The following TMC3 variants were observed in gnomAD, a reference collection of about 807,000 sequenced individuals.
TMC3 encodes transmembrane channel-like protein 3.
Under a neutral mutation model 110.6 loss-of-function variants are expected in TMC3, and 98 were observed. That is an observed-to-expected ratio of 0.89 (90% confidence interval 0.75 to 1.05). The LOEUF is 1.05. Ranked by LOEUF, TMC3 falls within the 50% of genes least tolerant of loss-of-function variation. The pLI, the probability that TMC3 is intolerant of heterozygous loss-of-function variation, is 0.00. For synonymous variants in TMC3, 489 were observed against 513.1 expected, an observed-to-expected ratio of 0.95 and a Z score of 0.63; for missense variants, 1,319 against 1,373.2, an observed-to-expected ratio of 0.96 and a Z score of 0.62.
intron 21 of TMC3, 62 bp from the exon 22 acceptor site, chr15:81,333,324 G>A (rs1893517566): frequency 6.5e-7 from 1 of 1,542,992 alleles, no homozygotes; most frequent in Admixed American, 2.0e-5. Flanking sequence ...CACACCTGAG[G>A]ACTGTGAGCT....
Position 81,343,938 on chromosome 15 carries a change from A to T in TMC3, c.1626T>A (p.Cys542Ter). Residue 542 changes from cysteine (C) to a stop codon, truncating the protein, a stop_gained, in exon 14 of 22, where the codon TGT becomes TGA. Transcript: ENST00000359440. LOFTEE classifies it high-confidence loss of function. ...LFVRYLSDYW[C>*]WDLESKFPEY... ...TTACAAACTTGCTCTCCAGATCCCA[A>T]CACCAGTAGTCACTTAAGTACCGCA... 1 of 1,612,710 alleles carries T rather than the reference A, an allele frequency of 6.2e-7. No homozygotes were observed. The highest frequency in any genetic ancestry group is 8.5e-7 in the Non-Finnish European group (1 of 1,179,118).
rs546215969 is a variant in TMC3 at position 81,358,070 on chromosome 15, T to C, written c.743+79A>G. On this transcript the variant is annotated intron_variant, in intron 7 of 21. Transcript: ENST00000359440. ...AAGCAGTCATACTTTTTTAAAAGAATGATGAAGCTGTAAGAAAATACTTCC... is the reference window on the plus strand; with the variant it reads ...AAGCAGTCATACTTTTTTAAAAGAACGATGAAGCTGTAAGAAAATACTTCC... 7.0e-6 allele frequency: 10 copies of C among 1,429,340 alleles called. No individual in the cohort carries two copies. The South Asian group carries it at 1.0e-4, about 15-fold the overall frequency. 88.5% of individuals were successfully genotyped at this position (1,429,340 alleles called of 1,614,324 possible).
chr15:81,339,754 C>G (rs909132746), intron 16 of TMC3, among the ~76,000 whole-genome samples: 1 of 152,194 alleles, frequency 6.6e-6, no homozygotes, highest in Non-Finnish European at 1.5e-5. Context: ...TTGCTGAGCA[C>G]CTGTTCACCT....
At chr15:81,333,883 G>C (rs533984488) in intron 21 of TMC3, among the ~76,000 whole-genome samples, 6 of 152,016 alleles carry the variant, frequency 3.9e-5, no homozygotes, top group African/African-American at 1.5e-4. Context: ...CCAGCTACTC[G>C]GGAGGCTGAG....
chr15:81,364,546 G>C (rs370455411), intron 3 of TMC3, among the ~76,000 whole-genome samples: 1 of 128,676 alleles, frequency 7.8e-6, no homozygotes, highest in African/African-American at 2.9e-5. Context: ...GTCGGGGGAG[G>C]GGGGAGGGAT....
intron 19 of TMC3, chr15:81,337,596 A>G: frequency 3.5e-6 from 2 of 570,214 alleles, no homozygotes; most frequent in South Asian, 4.0e-5. Context: ...GAAAGGCTCG[A>G]GGCAGCTGCA....
chr15:81,334,496 T>G (rs1370033640), intron 21 of TMC3, among the ~76,000 whole-genome samples: 1 of 152,236 alleles, frequency 6.6e-6, no homozygotes, highest in Non-Finnish European at 1.5e-5. Flanking sequence ...GAAGGTTTGC[T>G]TACAAGTTAA....
chr15:81,343,965 G>A lies in TMC3; in HGVS notation c.1599C>T (p.Phe533=), dbSNP rs756547076. ...ILLIDFFRGL[F]VRYLSDYWCW... ...ACCAGTAGTCACTTAAGTACCGCAC[G>A]AAAAGTCCTCGGAAGAAGTCTATGA... The change falls in exon 14 of 22, where the codon TTC becomes TTT. Residue 533 remains phenylalanine, a synonymous_variant. Transcript: ENST00000359440. 17 of 1,613,096 alleles carry A rather than the reference G, an allele frequency of 1.1e-5. No homozygotes were observed. Among genetic ancestry groups the A allele is most frequent in the East Asian group, 8.9e-5 (4 of 44,858 alleles).
Position 81,337,799 on chromosome 15 carries a change from A to C in TMC3, c.2160+47T>G, listed in dbSNP as rs565430245. ...TTCCCACGCTGGCGGGATCTCAGTC[A>C]TGTGGTTGACACATATTCATAATAG... is the stretch of plus-strand genomic sequence containing the variant. On this transcript the variant is annotated intron_variant, in intron 19 of 21. Coordinates refer to ENST00000359440, the MANE Select transcript of TMC3 (RefSeq NM_001080532.3). 33 of 1,494,594 alleles carry C rather than the reference A, an allele frequency of 2.2e-5. No homozygotes were observed. The African/African-American group carries it at 4.1e-4, about 19-fold the overall frequency. The allele number at this position is 1,494,594 out of a possible 1,614,324, so 92.6% of individuals were successfully genotyped here.
intron 3 of TMC3, among the ~76,000 whole-genome samples, chr15:81,364,538 C>T (rs1175640093): frequency 3.0e-5 from 2 of 67,680 alleles, no homozygotes; most frequent in Non-Finnish European, 5.5e-5. Context: ...GTGGTGGGGT[C>T]GGGGGAGGGG....
intron 9 of TMC3, among the ~76,000 whole-genome samples, chr15:81,354,569 C>T (rs1439197402): frequency 1.3e-5 from 2 of 152,154 alleles, no homozygotes; most frequent in African/African-American, 4.8e-5. Flanking sequence ...TCAGAAGATC[C>T]CTGGGGCACC....
chr15:81,335,397 T>TA (rs1404484475), intron 20 of TMC3, among the ~76,000 whole-genome samples: 1 of 152,248 alleles, frequency 6.6e-6, no homozygotes, highest in Non-Finnish European at 1.5e-5. Context: ...ATGCTATTGT[T>TA]ATCCTGAAAC....
rs1031551484 is a variant in TMC3 at position 81,374,001 on chromosome 15, G to C, written c.77C>G (p.Ser26Cys). 23 of 1,613,596 alleles carry C rather than the reference G, an allele frequency of 1.4e-5. No homozygotes were observed. Among genetic ancestry groups the C allele is most frequent in the Non-Finnish European group, 1.8e-5 (21 of 1,179,830 alleles). ...GGGGCCAGCTCACCTGAGCAGCAGAGATTCCTGGTAGAGGTAGCACTGGCT... is the reference window on the plus strand; with the variant it reads ...GGGGCCAGCTCACCTGAGCAGCAGACATTCCTGGTAGAGGTAGCACTGGCT... ...NASQCYLYQE[S>C]LLLSNLDDSF... Residue 26 changes from serine to cysteine, a missense_variant, in exon 1 of 22, where the codon TCT (serine) becomes TGT (cysteine). By Grantham distance (112) the Ser-to-Cys change is moderately radical (BLOSUM62 -1). Coordinates refer to ENST00000359440, the MANE Select transcript of TMC3 (RefSeq NM_001080532.3).
intron 12 of TMC3, among the ~76,000 whole-genome samples, chr15:81,345,912 C>T (rs1355179248): frequency 6.6e-6 from 1 of 152,052 alleles, no homozygotes; most frequent in Non-Finnish European, 1.5e-5. Context: ...ACCAAAGCTA[C>T]TCTAGGTTGG....
In TMC3 at chr15:81,338,686, C is replaced by T. The variant is rs373147707; in HGVS notation, c.2050G>A (p.Val684Met). Residue 684 changes from valine (V) to methionine (M), a missense_variant, in exon 18 of 22, where the codon GTG becomes ATG. Val to Met is a conservative substitution (Grantham distance 21). Transcript: ENST00000359440. ...AGGAGTACTGCGGGCAGGATGACCA[C>T]GGGGCTACTGATGTGTCCAACCACG... ...GSVVGHISSP[V>M]VILPAVLLLF... 46 of 1,613,888 alleles carry T rather than the reference C, an allele frequency of 2.9e-5. No homozygotes were observed. The highest frequency in any genetic ancestry group is 1.6e-4 in the Middle Eastern group (1 of 6,084).
At position 81,374,103 on chromosome 15, in the gene TMC3, A is replaced by G. The variant is rs1330282090; in HGVS notation, c.-26T>C. Reference sequence around the variant, plus strand: ...GGGAGCTAACCCACTGCTAACAATCAGAAGCTGGCCAGAGAGCTAGGAAGT... The same window carrying G: ...GGGAGCTAACCCACTGCTAACAATCGGAAGCTGGCCAGAGAGCTAGGAAGT... On this transcript the variant is annotated 5_prime_UTR_variant, in exon 1 of 22. Transcript: ENST00000359440. The G allele has an allele frequency of 6.2e-7, 1 of 1,607,576 alleles. No individual in the cohort carries two copies. Among genetic ancestry groups the G allele is most frequent in the African/African-American group, 1.3e-5 (1 of 74,912 alleles).
chr15:81,356,413 C>T, intron 8 of TMC3, 34 bp downstream of exon 8: 1 of 1,548,784 alleles, frequency 6.5e-7, no homozygotes, highest in Non-Finnish European at 8.7e-7. Context: ...CTGAGCTGCC[C>T]ACCCCCGCAG....
At chr15:81,339,138 C>T (rs1048915539) in intron 17 of TMC3, among the ~76,000 whole-genome samples, 1 of 152,212 alleles carries the variant, frequency 6.6e-6, no homozygotes, top group Non-Finnish European at 1.5e-5. Flanking sequence ...GTAGAATGTC[C>T]TCTAGCACAG....
chr15:81,332,654 T>C lies in TMC3; in HGVS notation c.3068A>G (p.Gln1023Arg). 6 of 1,614,008 alleles carry C rather than the reference T, an allele frequency of 3.7e-6. No homozygotes were observed. Among genetic ancestry groups the C allele is most frequent in the Non-Finnish European group, 5.1e-6 (6 of 1,179,890 alleles). Reference sequence around the variant, plus strand: ...CTTCCCTCTGGGCTTCAGAGGGGGCTGTGGGTATTGGAAATTCCGGGATCG... The same window carrying C: ...CTTCCCTCTGGGCTTCAGAGGGGGCCGTGGGTATTGGAAATTCCGGGATCG... ...KPRSRNFQYP[Q>R]PPLKPRGKPR... Residue 1023 changes from glutamine to arginine, a missense_variant, in exon 22 of 22, where the codon CAG (glutamine) becomes CGG (arginine). By Grantham distance (43) the Gln-to-Arg change is conservative. Coordinates refer to ENST00000359440, the MANE Select transcript of TMC3 (RefSeq NM_001080532.3).
Sources: gnomAD v4.1 joint callset for allele counts (sites outside exome capture counted in the v4.1 genomes callset) on GRCh38, gnomAD v4.1.1 for gene constraint, MANE v1.5 for transcripts, NCBI Gene and HGNC (gene_info 2026-07-23, HGNC 2026-07-21) for gene names.